The following SWT1 variants were observed in gnomAD, a reference collection of about 807,000 sequenced individuals.
SWT1 encodes the protein transcriptional protein SWT1.
Under a neutral mutation model 107.3 loss-of-function variants are expected in SWT1, and 33 were observed. That is an observed-to-expected ratio of 0.31 (90% CI 0.23 to 0.41). The LOEUF (loss-of-function observed/expected upper bound fraction) is 0.41, where lower values mean the gene tolerates loss of function less well. SWT1 is among the 10% of genes least tolerant of loss of function. The pLI is 1.00. For synonymous variants in SWT1, 345 were observed against 348.3 expected, an observed-to-expected ratio of 0.99 and a Z score of 0.11; for missense variants, 898 against 1,028.9, an observed-to-expected ratio of 0.87 and a Z score of 1.74.
intron 4 of SWT1, chr1:185,171,360 T>G (rs986570904): frequency 4.6e-6 from 1 of 217,354 alleles, no homozygotes; most frequent in African/African-American, 2.4e-5. Flanking sequence ...TCCTCTTGTT[T>G]GTTCTGGTTA....
chr1:185,162,038 C>T (rs150171204), intron 2 of SWT1, among the ~76,000 whole-genome samples: 5 of 152,226 alleles, frequency 3.3e-5, no homozygotes, highest in East Asian at 3.9e-4. Context: ...TGCTTACTTA[C>T]TAACTTTCTG....
In SWT1 at chr1:185,168,389, G is replaced by T; in HGVS notation, c.215G>T (p.Gly72Val). Reference protein sequence around the residue: ...VLYYNIKRRQGLKRLSVEIDT... With the variant: ...VLYYNIKRRQVLKRLSVEIDT... ...TACTATAATATAAAAAGAAGACAAG[G>T]ACTGAAAAGGTAAATTTCTCCTTTT... The change falls in exon 4 of 19, where the codon GGA becomes GTA. Residue 72 changes from glycine to valine, a missense_variant. By Grantham distance (109) the Gly-to-Val change is moderately radical (BLOSUM62 -3). Coordinates refer to ENST00000367500, the MANE Select transcript of SWT1 (RefSeq NM_017673.7). 2 of 1,377,752 alleles carry T rather than the reference G, an allele frequency of 1.5e-6. No homozygotes were observed. The highest frequency in any genetic ancestry group is 1.4e-5 in the South Asian group (1 of 72,250). 85.3% of individuals were successfully genotyped at this position (1,377,752 alleles called of 1,614,324 possible). A position where few individuals can be genotyped will look rare whatever the true frequency, so the allele number is the denominator to read the frequency against.
intron 1 of SWT1, chr1:185,157,560 G>T (rs1653718562): frequency 1.2e-3 from 1 of 810 alleles, no homozygotes; most frequent in Non-Finnish European, 1.4e-3. Flanking sequence ...TGCGGAGCCC[G>T]CGGGCCCGCG....
chr1:185,261,166 A>G (rs1002944436), intron 16 of SWT1, among the ~76,000 whole-genome samples: 5 of 152,084 alleles, frequency 3.3e-5, no homozygotes, highest in African/African-American at 1.2e-4. Context: ...TACCCATTAT[A>G]TTAACTCCCC....
chr1:185,169,584 G>C (rs1244440316), intron 4 of SWT1, among the ~76,000 whole-genome samples: 1 of 152,014 alleles, frequency 6.6e-6, no homozygotes, highest in South Asian at 2.1e-4. Context: ...ACATAGAAAT[G>C]TATTAGCAGT....
chr1:185,195,495 A>G (rs1476936697), intron 10 of SWT1, among the ~76,000 whole-genome samples: 1 of 152,180 alleles, frequency 6.6e-6, no homozygotes, highest in Non-Finnish European at 1.5e-5. Context: ...ATGACTTATA[A>G]TCCTTTGGGT....
intron 10 of SWT1, among the ~76,000 whole-genome samples, chr1:185,193,481 T>C (rs1372141452): frequency 6.6e-6 from 1 of 151,610 alleles, no homozygotes; most frequent in Non-Finnish European, 1.5e-5. Flanking sequence ...TTTTTTTTTT[T>C]CCTGAGATGG....
chr1:185,203,328 A>G (rs1230693143), intron 11 of SWT1, among the ~76,000 whole-genome samples: 1 of 152,198 alleles, frequency 6.6e-6, no homozygotes. Context: ...TAAACTAATA[A>G]TCAAGAAGTA....
intron 15 of SWT1, chr1:185,227,176 G>C: frequency 1.0e-6 from 1 of 966,914 alleles, no homozygotes; most frequent in Non-Finnish European, 1.7e-6. Flanking sequence ...TTGGTACTAT[G>C]AGGGATAGAC....
Position 185,181,999 on chromosome 1 carries a change from A to G in SWT1, c.1080A>G (p.Leu360=). The stretch of plus-strand genomic sequence containing the variant: ...CACGTGTGGGAAAAAGTGTGGATTT[A>G]CCTGGAGAGTTAATGAGTATGGAAA... ...HAARVGKSVD[L]PGELMSMEID... The change falls in exon 7 of 19, where the codon TTA becomes TTG. Residue 360 remains leucine, a synonymous_variant. Transcript: ENST00000367500. 6.2e-7 allele frequency: 1 copy of G among 1,613,882 alleles called. No homozygotes were observed. The highest frequency in any genetic ancestry group is 1.7e-5 in the Admixed American group (1 of 60,024).
Position 185,256,125 on chromosome 1 carries a change from T to A in SWT1, c.2442-15198T>A, listed in dbSNP as rs1447483285. ...ATATTGGCCCCCACTCTCTTCTGGC[T>A]TGTAGGGTTTCTGCCGAGAGATCCG... is the stretch of plus-strand genomic sequence containing the variant. On this transcript the variant is annotated intron_variant, in intron 16 of 18. Coordinates refer to ENST00000367500, the MANE Select transcript of SWT1 (RefSeq NM_017673.7). Among the ~76,000 whole-genome samples, 7 of 150,846 alleles carry A rather than the reference T, an allele frequency of 4.6e-5. No homozygotes were observed. The East Asian group carries it at 1.4e-3, about 30-fold the overall frequency.
chr1:185,276,528 T>C, intron 17 of SWT1, 76 bp from the exon 18 acceptor site: 1 of 779,188 alleles, frequency 1.3e-6, no homozygotes, highest in Non-Finnish European at 2.0e-6. Flanking sequence ...CCTCTCAGAA[T>C]ATGGGCTACT....
At chr1:185,244,715 A>G (rs1038089379) in intron 16 of SWT1, among the ~76,000 whole-genome samples, 2 of 152,212 alleles carry the variant, frequency 1.3e-5, no homozygotes, top group Admixed American at 6.5e-5. Flanking sequence ...TTAGGTTGTT[A>G]TAACTTTTTA....
chr1:185,255,513 T>C (rs1662423472), intron 16 of SWT1, among the ~76,000 whole-genome samples: 1 of 129,012 alleles, frequency 7.8e-6, no homozygotes, highest in Admixed American at 7.7e-5. Flanking sequence ...CTTGTTGAAT[T>C]GATCCCTTTA....
At chr1:185,265,928 C>G (rs1025263042) in intron 16 of SWT1, among the ~76,000 whole-genome samples, 5 of 152,116 alleles carry the variant, frequency 3.3e-5, no homozygotes, top group Admixed American at 6.5e-5. Context: ...CTCTCTACAA[C>G]TGTTTTAAAT....
intron 16 of SWT1, among the ~76,000 whole-genome samples, chr1:185,243,247 T>C (rs1558068880): frequency 6.6e-6 from 1 of 152,100 alleles, no homozygotes; most frequent in Non-Finnish European, 1.5e-5. Context: ...TACTTGGGAC[T>C]ACAGGCATGT....
At chr1:185,207,700 A>G (rs1308909778) in intron 13 of SWT1, among the ~76,000 whole-genome samples, 1 of 152,084 alleles carries the variant, frequency 6.6e-6, no homozygotes, top group East Asian at 1.9e-4. Flanking sequence ...CCAGGAGTTC[A>G]AGGCCAGCCT....
chr1:185,208,742 C>CT (rs11444869), intron 13 of SWT1, among the ~76,000 whole-genome samples: 42,281 of 142,592 alleles, frequency 0.3, 6,119 homozygotes, highest in African/African-American at 0.35. Flanking sequence ...CGATGAATAT[C>CT]TTTTTTTTTT....
intron 11 of SWT1, among the ~76,000 whole-genome samples, chr1:185,203,493 C>A (rs940437688): frequency 6.6e-6 from 1 of 151,778 alleles, no homozygotes; most frequent in South Asian, 2.1e-4. Flanking sequence ...TGGTGGCGGG[C>A]GCCTGTAATC....
Sources: allele counts gnomAD v4.1 joint callset (sites outside exome capture counted in the v4.1 genomes callset), GRCh38; gene constraint gnomAD v4.1.1; transcripts MANE v1.5; gene names NCBI Gene and HGNC (gene_info 2026-07-23, HGNC 2026-07-21).